The following DLGAP2 variants were observed in gnomAD, a reference collection of about 807,000 sequenced individuals.
The protein encoded by DLGAP2 is disks large-associated protein 2.
In DLGAP2, 26 loss-of-function variants were observed where a neutral mutation model predicts 100.3. The ratio of observed to expected loss-of-function variants is 0.26; its 90% CI spans 0.19 to 0.36. The LOEUF is 0.36. DLGAP2 is among the 10% of genes least tolerant of loss of function. The pLI, the probability that DLGAP2 is intolerant of heterozygous loss-of-function variation, is 1.00. For missense variants in DLGAP2, 1,858 were observed against 1,453.2 expected (o/e 1.28, Z -4.53); for synonymous variants, 886 against 630.1 (o/e 1.41, Z -6.08).
intron 8 of DLGAP2, among the ~76,000 whole-genome samples, chr8:1,640,858 T>A (rs2130793367): frequency 6.6e-6 from 1 of 152,370 alleles, no homozygotes; most frequent in East Asian, 1.9e-4. Flanking sequence ...TTTGTGATTT[T>A]CATTGTCTTT....
chr8:1,609,306 G>T (rs1460085667), intron 6 of DLGAP2, among the ~76,000 whole-genome samples: 1 of 139,082 alleles, frequency 7.2e-6, no homozygotes, highest in African/African-American at 2.6e-5. Flanking sequence ...CATAAGTGAA[G>T]GAGAAATAAA....
chr8:1,483,082 C>T (rs1409183390), intron 3 of DLGAP2, among the ~76,000 whole-genome samples: 1 of 152,158 alleles, frequency 6.6e-6, no homozygotes, highest in Non-Finnish European at 1.5e-5. Context: ...CGCAAGGGAG[C>T]CCCGCGGCAG....
At chr8:1,322,163 C>A (rs139634351) in intron 3 of DLGAP2, among the ~76,000 whole-genome samples, 1 of 152,086 alleles carries the variant, frequency 6.6e-6, no homozygotes, top group African/African-American at 2.4e-5. Context: ...ACTGTTCCTT[C>A]AACATAGGTG....
In DLGAP2 at chr8:942,103, C is replaced by T. The variant is rs557066047; in HGVS notation, c.73+34137C>T. The stretch of plus-strand genomic sequence containing the variant: ...CCTCGAGTCACTGGGACCACAGGTG[C>T]ATGCCACTATGTCCAGCTAATATTT... On this transcript the variant is annotated intron_variant, in intron 2 of 14. Transcript: ENST00000637795. 9.9e-5 allele frequency among the ~76,000 whole-genome samples: 15 copies of T among 152,276 alleles called. No individual in the cohort carries two copies. In the South Asian group the frequency reaches 2.9e-3, roughly 29 times the overall value.
chr8:1,607,050 T>G lies in DLGAP2; in HGVS notation c.1443-19690T>G, dbSNP rs796579408. Among the ~76,000 whole-genome samples, 28 of 152,362 alleles carry G rather than the reference T, an allele frequency of 1.8e-4. 1 individual carries two copies. Among genetic ancestry groups the G allele is most frequent in the African/African-American group, 6.7e-4 (28 of 41,588 alleles). On this transcript the variant is annotated intron_variant, in intron 6 of 14. Transcript: ENST00000637795. ...CTGGGCATATACCAAGGAGTGGAGA[T>G]GCTGGGTCCTTGATAACTCAATGTT...
chr8:1,422,467 A>G (rs1184486239), intron 3 of DLGAP2, among the ~76,000 whole-genome samples: 1 of 152,076 alleles, frequency 6.6e-6, no homozygotes, highest in Non-Finnish European at 1.5e-5. Context: ...AAGTGATGCC[A>G]GGGAAACCTC....
rs1799664393 is a variant in DLGAP2, at chr8:1,704,892, C to CA, written c.*3487dup. 6.6e-6 allele frequency: 1 copy of CA among 152,224 alleles called. No individual in the cohort carries two copies. Among genetic ancestry groups the CA allele is most frequent in the Non-Finnish European group, 1.5e-5 (1 of 68,046 alleles). The allele number at this position is 152,224 out of a possible 1,614,324, so 9.4% of individuals were successfully genotyped here. On this transcript the variant is annotated 3_prime_UTR_variant, in exon 15 of 15. Transcript: ENST00000637795. ...GACACAGTGGCAGAGCACACATGTG[C>CA]ACAGGTTCTGATTATTTCTCTTGGA... is the stretch of plus-strand genomic sequence containing the variant.
At chr8:831,193 C>T (rs1424220214) in intron 1 of DLGAP2, among the ~76,000 whole-genome samples, 8 of 148,802 alleles carry the variant, frequency 5.4e-5, no homozygotes, top group East Asian at 2.0e-4. Flanking sequence ...TCACCACGCC[C>T]GGTCCAGCAG....
chr8:1,594,230 T>C (rs930437429), intron 6 of DLGAP2, among the ~76,000 whole-genome samples: 2 of 152,104 alleles, frequency 1.3e-5, no homozygotes, highest in African/African-American at 4.8e-5. Context: ...CAGGCAAAGA[T>C]ATTTCAAAGA....
At chr8:1,142,772 G>A (rs1472281671) in intron 2 of DLGAP2, among the ~76,000 whole-genome samples, 2 of 152,092 alleles carry the variant, frequency 1.3e-5, no homozygotes, top group East Asian at 1.9e-4. Context: ...GTGAGGGGAG[G>A]GAGGTTAGGC....
At chr8:1,572,511 G>A (rs1183211522) in intron 6 of DLGAP2, among the ~76,000 whole-genome samples, 2 of 131,818 alleles carry the variant, frequency 1.5e-5, no homozygotes, top group Admixed American at 7.5e-5. Flanking sequence ...CATCTTCTGG[G>A]ATGGAGAGGA....
At chr8:1,347,266 T>A (rs1377927645) in intron 3 of DLGAP2, among the ~76,000 whole-genome samples, 1 of 121,158 alleles carries the variant, frequency 8.3e-6, no homozygotes, top group Admixed American at 8.2e-5. Context: ...AGTTCCCACA[T>A]AGAGCTACAC....
chr8:1,199,751 A>G (rs1215538086), intron 2 of DLGAP2, among the ~76,000 whole-genome samples: 1 of 152,174 alleles, frequency 6.6e-6, no homozygotes, highest in African/African-American at 2.4e-5. Context: ...ACACTTTAGC[A>G]TGAGAGCTCT....
chr8:1,447,238 A>G (rs1798006198), intron 3 of DLGAP2, among the ~76,000 whole-genome samples: 1 of 152,218 alleles, frequency 6.6e-6, no homozygotes, highest in African/African-American at 2.4e-5. Context: ...TTTGTCATAG[A>G]TAGCTCTTAT....
intron 1 of DLGAP2, among the ~76,000 whole-genome samples, chr8:880,173 T>C (rs1363339763): frequency 1.3e-5 from 2 of 152,142 alleles, no homozygotes; most frequent in Non-Finnish European, 2.9e-5. Context: ...CCCCGCCCCT[T>C]CTCCCTCCAC....
intron 6 of DLGAP2, among the ~76,000 whole-genome samples, chr8:1,587,306 TC>T (rs1796151033): frequency 6.6e-6 from 1 of 152,220 alleles, no homozygotes; most frequent in Non-Finnish European, 1.5e-5. Flanking sequence ...CCTATAGTGG[TC>T]TGCCAGCTTC....
chr8:1,587,139 T>C (rs1796145583), intron 6 of DLGAP2, among the ~76,000 whole-genome samples: 1 of 152,228 alleles, frequency 6.6e-6, no homozygotes. Flanking sequence ...AAAGGGCAGT[T>C]TGAGAATCTC....
At chr8:1,571,622 G>C (rs1276285576) in intron 6 of DLGAP2, among the ~76,000 whole-genome samples, 8 of 132,064 alleles carry the variant, frequency 6.1e-5, no homozygotes, top group African/African-American at 1.7e-4. Flanking sequence ...GGAGAGGAGA[G>C]AGGGGGTGAA....
At chr8:1,204,953 G>C (rs928539416) in intron 2 of DLGAP2, among the ~76,000 whole-genome samples, 4 of 152,172 alleles carry the variant, frequency 2.6e-5, no homozygotes, top group African/African-American at 9.7e-5. Flanking sequence ...TGGTCCTCCA[G>C]CAGGATTAAT....
Sources: allele counts gnomAD v4.1 joint callset (sites outside exome capture counted in the v4.1 genomes callset), GRCh38; gene constraint gnomAD v4.1.1; transcripts MANE v1.5; gene names NCBI Gene and HGNC (gene_info 2026-07-23, HGNC 2026-07-21).